Variants in EIF4ENIF1 observed in about 807,000 individuals in gnomAD.
EIF4ENIF1 encodes the protein eukaryotic translation initiation factor 4E transporter.
EIF4ENIF1 carries 23 observed loss-of-function variants against 110.5 expected under a neutral mutation model. The observed-to-expected ratio is 0.21, with a 90% confidence interval of 0.15 to 0.29. The LOEUF (loss-of-function observed/expected upper bound fraction) is 0.29, where lower values mean the gene tolerates loss of function less well. Ranked by LOEUF, EIF4ENIF1 falls within the 10% of genes least tolerant of loss-of-function variation. The probability of loss-of-function intolerance (pLI) is 1.00; values close to 1 mark genes in which losing one functional copy is unlikely to be tolerated. For synonymous variants in EIF4ENIF1, 440 were observed against 437.0 expected, an observed-to-expected ratio of 1.01 and a Z score of -0.09; for missense variants, 1,031 against 1,221.1, an observed-to-expected ratio of 0.84 and a Z score of 2.32.
At chr22:31,453,279 C>G in intron 10 of EIF4ENIF1, 1 of 319,514 alleles carries the variant, frequency 3.1e-6, no homozygotes. Flanking sequence ...ACCTTGTAAC[C>G]TAACTTCATG....
chr22:31,492,955 C>T (rs1007913043), upstream of EIF4ENIF1, among the ~76,000 whole-genome samples: 4 of 151,854 alleles, frequency 2.6e-5, no homozygotes, highest in Non-Finnish European at 5.9e-5. Context: ...TGGTCTCAAA[C>T]TCCTGACCTC....
intron 2 of EIF4ENIF1, among the ~76,000 whole-genome samples, chr22:31,472,516 G>T (rs922226462): frequency 6.6e-6 from 1 of 152,100 alleles, no homozygotes; most frequent in African/African-American, 2.4e-5. Context: ...CGATCTGCCC[G>T]CCTCGGCCTC....
chr22:31,488,092 C>T (rs1196401849), intron 2 of EIF4ENIF1, among the ~76,000 whole-genome samples: 2 of 152,158 alleles, frequency 1.3e-5, no homozygotes, highest in African/African-American at 4.8e-5. Flanking sequence ...GTTTAAGCAT[C>T]TCCAGTTTTT....
chr22:31,476,292 C>A (rs894545197), intron 2 of EIF4ENIF1, among the ~76,000 whole-genome samples: 2 of 152,118 alleles, frequency 1.3e-5, no homozygotes, highest in Non-Finnish European at 2.9e-5. Context: ...TTGTTTGAAA[C>A]TTTTAACTCC....
chr22:31,447,357 G>GTTT, intron 14 of EIF4ENIF1, 69 bp downstream of exon 14: 1 of 1,582,674 alleles, frequency 6.3e-7, no homozygotes, highest in Non-Finnish European at 8.6e-7. Context: ...TTATACTGCA[G>GTTT]ATAAGTAATT....
At position 31,447,547 on chromosome 22, in the gene EIF4ENIF1, G is replaced by T; in HGVS notation, c.1867C>A (p.Gln623Lys). Residue 623 changes from glutamine (Q) to lysine (K), a missense_variant, in exon 14 of 19, where the codon CAA (glutamine) becomes AAA (lysine). Transcript: ENST00000330125. ...ITAQMSQLEL[Q>K]QAALEGLALP... Reference sequence around the variant, plus strand: ...GCCAGCCCTTCTAAAGCTGCCTGTTGCAACTCCAGCTGGCTCATCTGCTGA... The same window carrying T: ...GCCAGCCCTTCTAAAGCTGCCTGTTTCAACTCCAGCTGGCTCATCTGCTGA... The T allele has an allele frequency of 6.2e-7, 1 of 1,605,900 alleles. No individual in the cohort carries two copies. The highest frequency in any genetic ancestry group is 8.5e-7 in the Non-Finnish European group (1 of 1,174,610).
intron 16 of EIF4ENIF1, 147 bp downstream of exon 16, chr22:31,442,815 C>G: frequency 9.1e-7 from 1 of 1,092,942 alleles, no homozygotes; most frequent in African/African-American, 1.6e-5. Flanking sequence ...TCACACAGAA[C>G]CTTCTCACTG....
rs2051076552 is a variant in EIF4ENIF1, at chr22:31,463,713, G to GGTCTCT, written c.547_552dup (p.Asp184_Arg185dup). 3.1e-6 allele frequency: 5 copies of GGTCTCT among 1,611,520 alleles called. No individual in the cohort carries two copies. Among genetic ancestry groups the GGTCTCT allele is most frequent in the Non-Finnish European group, 4.2e-6 (5 of 1,179,562 alleles). ...CGCTTGTCCTTGAAGTCCCTCTCTC[G>GGTCTCT]GTCTCTGTCTCTCAAGTCCCGCAGG... is the stretch of plus-strand genomic sequence containing the variant. On this transcript the variant is annotated inframe_insertion, in exon 5 of 19. Transcript: ENST00000330125.
intron 3 of EIF4ENIF1, among the ~76,000 whole-genome samples, chr22:31,471,407 C>T (rs1021591321): frequency 2.6e-5 from 4 of 151,958 alleles, no homozygotes; most frequent in African/African-American, 9.7e-5. Context: ...CTCCGCCTCC[C>T]GAGTTCATGC....
chr22:31,442,091 G>C lies in EIF4ENIF1; in HGVS notation c.2234C>G (p.Pro745Arg), dbSNP rs750125714. Residue 745 changes from proline to arginine, a missense_variant, in exon 17 of 19, where the codon CCC (proline) becomes CGC (arginine). Pro to Arg is a moderately radical substitution (Grantham distance 103). Around this residue, in one of 3 missense-constraint regions of EIF4ENIF1, gnomAD observed 309 missense variants for 299.1 expected, o/e 1.03. Coordinates refer to ENST00000330125, the MANE Select transcript of EIF4ENIF1 (RefSeq NM_019843.4). ...GGGAGAAGAGTCTCGATCGGCACTG[G>C]GTACAGAGCTGGATGACAGGAGGTT... ...EENLLSSSSV[P>R]SADRDSSPTT... 6.2e-7 allele frequency: 1 copy of C among 1,612,160 alleles called. No homozygotes were observed. Among genetic ancestry groups the C allele is most frequent in the Non-Finnish European group, 8.5e-7 (1 of 1,178,650 alleles).
At chr22:31,489,997 C>T (rs2052205752), upstream of EIF4ENIF1, 1 of 152,328 alleles carries the variant, frequency 6.6e-6, no homozygotes, top group East Asian at 1.9e-4. Context: ...GCGCGCTTCC[C>T]GGACGCCAGC....
chr22:31,442,619 A>C (rs1433701970), intron 16 of EIF4ENIF1, among the ~76,000 whole-genome samples: 1 of 152,216 alleles, frequency 6.6e-6, no homozygotes, highest in Non-Finnish European at 1.5e-5. Context: ...GGCTGGACAT[A>C]ATCTTTCAGA....
chr22:31,439,883 C>T lies in EIF4ENIF1; in HGVS notation c.2955G>A (p.Gln985=). The T allele has an allele frequency of 1.9e-6, 3 of 1,613,104 alleles. No individual in the cohort carries two copies. Among genetic ancestry groups the T allele is most frequent in the South Asian group, 1.1e-5 (1 of 91,062 alleles). The change falls in exon 19 of 19, where the codon CAG becomes CAA. Residue 985 remains glutamine (Q), a synonymous_variant. Coordinates refer to ENST00000330125, the MANE Select transcript of EIF4ENIF1 (RefSeq NM_019843.4). ...VISVDELEYR[Q] is the part of the protein sequence containing the mutation. Reference sequence around the variant, plus strand: ...TAGTTGAGTCTGCCTGCCCTGCTCACTGTCGGTATTCCAATTCATCTACAC... The same window carrying T: ...TAGTTGAGTCTGCCTGCCCTGCTCATTGTCGGTATTCCAATTCATCTACAC...
At chr22:31,447,818 G>A (rs1157748709) in intron 13 of EIF4ENIF1, among the ~76,000 whole-genome samples, 1 of 152,154 alleles carries the variant, frequency 6.6e-6, no homozygotes, top group Non-Finnish European at 1.5e-5. Context: ...TAGAGACAGG[G>A]TCTCACTCTG....
intron 3 of EIF4ENIF1, among the ~76,000 whole-genome samples, chr22:31,469,204 C>T (rs959154851): frequency 1.3e-5 from 2 of 152,104 alleles, no homozygotes; most frequent in Non-Finnish European, 2.9e-5. Flanking sequence ...TCTAGTTTTG[C>T]CACCACTACT....
Position 31,448,184 on chromosome 22 carries a change from A to G in EIF4ENIF1, c.1817T>C (p.Met606Thr), listed in dbSNP as rs1210853435. The G allele has an allele frequency of 6.8e-6, 11 of 1,614,094 alleles. No homozygotes were observed. In the Admixed American group the frequency reaches 1.5e-4, roughly 22 times the overall value. Residue 606 changes from methionine (M) to threonine (T), a missense_variant, in exon 13 of 19, where the codon ATG becomes ACG. Transcript: ENST00000330125. ...TGTGATGGGGCTCATGGGTTTGCGC[A>G]TGCCTTGGAATGGATCTCCGAGTAG... is the stretch of plus-strand genomic sequence containing the variant. ...QQLLGDPFQG[M>T]RKPMSPITAQ...
chr22:31,475,313 G>A (rs1452040044), intron 2 of EIF4ENIF1, among the ~76,000 whole-genome samples: 2 of 152,166 alleles, frequency 1.3e-5, no homozygotes, highest in African/African-American at 4.8e-5. Flanking sequence ...CACCAGTAAA[G>A]ATAGGAGTCA....
chr22:31,442,940 G>A (rs377117224), intron 16 of EIF4ENIF1, 22 bp downstream of exon 16: 2 of 1,613,010 alleles, frequency 1.2e-6, no homozygotes, highest in Non-Finnish European at 1.7e-6. Context: ...CTTGAGCAGT[G>A]CCCTTAACAG....
At chr22:31,453,782 G>A (rs549818261) in intron 10 of EIF4ENIF1, among the ~76,000 whole-genome samples, 29 of 152,282 alleles carry the variant, frequency 1.9e-4, no homozygotes, top group Admixed American at 8.5e-4. Flanking sequence ...TACAAATATG[G>A]TAAAGAATAT....
Sources: allele counts gnomAD v4.1 joint callset (sites outside exome capture counted in the v4.1 genomes callset), GRCh38; gene constraint gnomAD v4.1.1; regional missense constraint gnomAD v4.1.1; transcripts MANE v1.5; gene names NCBI Gene and HGNC (gene_info 2026-07-23, HGNC 2026-07-21).